NCAPG2: variants seen among roughly 807,000 people sequenced by gnomAD.
The protein encoded by NCAPG2 is non-SMC condensin II complex subunit G2.
In NCAPG2, 53 loss-of-function variants were observed where a neutral mutation model predicts 141.1. The observed-to-expected ratio is 0.38, with a 90% CI of 0.30 to 0.47. The LOEUF is 0.47. Ranked by LOEUF, NCAPG2 falls within the 20% of genes least tolerant of loss-of-function variation. The pLI, the probability that NCAPG2 is intolerant of heterozygous loss-of-function variation, is 0.99. For synonymous variants in NCAPG2, 499 were observed against 490.7 expected (o/e 1.02, Z -0.22); for missense variants, 1,087 against 1,389.0 (o/e 0.78, Z 3.46).
At chr7:158,646,192 C>T (rs1313191879) in intron 25 of NCAPG2, among the ~76,000 whole-genome samples, 1 of 152,166 alleles carries the variant, frequency 6.6e-6, no homozygotes, top group Non-Finnish European at 1.5e-5. Context: ...TATATTCTCC[C>T]TTAACTGAAT....
intron 27 of NCAPG2, chr7:158,641,484 C>A: frequency 1.5e-6 from 1 of 674,128 alleles, no homozygotes; most frequent in South Asian, 1.6e-5. Context: ...GGGACTGAGG[C>A]AGAAGGATAG....
chr7:158,667,163 C>G, intron 13 of NCAPG2: 1 of 985,416 alleles, frequency 1.0e-6, no homozygotes, highest in Non-Finnish European at 1.2e-6. Context: ...AACCAAATGG[C>G]TGTCTGCCTT....
At chr7:158,697,551 AGAC>A (rs1392118087) in intron 2 of NCAPG2, among the ~76,000 whole-genome samples, 2 of 152,024 alleles carry the variant, frequency 1.3e-5, no homozygotes, top group Non-Finnish European at 2.9e-5. Flanking sequence ...CAGTGAGCCA[AGAC>A]GACGCCACTG....
Position 158,631,634 on chromosome 7 carries a change from C to T in NCAPG2, c.*32G>A, listed in dbSNP as rs1829897389. On this transcript the variant is annotated 3_prime_UTR_variant, in exon 28 of 28. Transcript: ENST00000356309. ...GCATTTCAATTTGAATCACTTTTCC[C>T]TATTTTTACATGTCTGGAGATGTTG... The T allele has an allele frequency of 3.3e-6, 5 of 1,533,832 alleles. 1 individual carries two copies. In the Admixed American group the frequency reaches 8.5e-5, roughly 26 times the overall value.
intron 27 of NCAPG2, 42 bp from the exon 28 acceptor site, chr7:158,631,759 G>T: frequency 6.9e-7 from 1 of 1,452,262 alleles, no homozygotes; most frequent in Non-Finnish European, 9.6e-7. Context: ...AGAAAAAAGT[G>T]ACCAAATTAT....
intron 2 of NCAPG2, among the ~76,000 whole-genome samples, chr7:158,695,709 G>A (rs1271251228): frequency 6.6e-6 from 1 of 152,244 alleles, no homozygotes; most frequent in Admixed American, 6.5e-5. Context: ...GCATTGCCAC[G>A]ACATTAGCAG....
chr7:158,646,158 G>GT (rs1231324346), intron 25 of NCAPG2, among the ~76,000 whole-genome samples: 1 of 152,170 alleles, frequency 6.6e-6, no homozygotes, highest in African/African-American at 2.4e-5. Flanking sequence ...TTGGTAAGAA[G>GT]TATTTTACTA....
chr7:158,696,348 G>C (rs13242357), intron 2 of NCAPG2: 1 of 152,032 alleles, frequency 6.6e-6, no homozygotes, highest in Non-Finnish European at 1.5e-5. Context: ...TCAATATTCC[G>C]TCCGTCAAAG....
Position 158,693,450 on chromosome 7 carries a change from T to C in NCAPG2, c.126A>G (p.Leu42=). 3.1e-6 allele frequency: 5 copies of C among 1,614,072 alleles called. No homozygotes were observed. Among genetic ancestry groups the C allele is most frequent in the Non-Finnish European group, 4.2e-6 (5 of 1,179,934 alleles). Residue 42 remains leucine, a synonymous_variant, in exon 3 of 28, where the codon TTA becomes TTG. Coordinates refer to ENST00000356309, the MANE Select transcript of NCAPG2 (RefSeq NM_017760.7). ...PFSLNELLDE[L]SRKQKEELWQ... is the part of the protein sequence containing the mutation. ...ATAATTCTTCTTTCTGTTTCCTTGATAATTCATCTAGTAATTCATTTAGGC... is the reference window on the plus strand; with the variant it reads ...ATAATTCTTCTTTCTGTTTCCTTGACAATTCATCTAGTAATTCATTTAGGC...
intron 6 of NCAPG2, among the ~76,000 whole-genome samples, chr7:158,688,001 AGAAT>A (rs1199387781): frequency 2.0e-5 from 3 of 152,246 alleles, no homozygotes; most frequent in Non-Finnish European, 4.4e-5. Flanking sequence ...GAACCTAAGA[AGAAT>A]GAATACAATC....
At chr7:158,675,714 T>C in intron 11 of NCAPG2, 58 bp from the exon 12 acceptor site, 1 of 1,546,696 alleles carries the variant, frequency 6.5e-7, no homozygotes, top group Non-Finnish European at 8.8e-7. Flanking sequence ...GAAATCCACA[T>C]CTGCTTCACA....
intron 13 of NCAPG2, among the ~76,000 whole-genome samples, chr7:158,668,764 T>G (rs1303386239): frequency 6.6e-6 from 1 of 152,248 alleles, no homozygotes; most frequent in African/African-American, 2.4e-5. Context: ...CTGGGTTTTT[T>G]GGTCCAACTT....
At chr7:158,646,427 A>C in intron 25 of NCAPG2, 33 bp downstream of exon 25, 2 of 1,514,928 alleles carry the variant, frequency 1.3e-6, no homozygotes, top group Non-Finnish European at 1.8e-6. Context: ...AGCCACGATG[A>C]GCATTTCAGG....
At chr7:158,699,021 CGATCCTCCT>C (rs1188090939) in intron 2 of NCAPG2, among the ~76,000 whole-genome samples, 9 of 151,984 alleles carry the variant, frequency 5.9e-5, no homozygotes, top group Admixed American at 5.2e-4. Flanking sequence ...TGGCCTCAAA[CGATCCTCCT>C]GCCTCAGCCT....
At chr7:158,687,030 C>T (rs1834796331) in intron 7 of NCAPG2, among the ~76,000 whole-genome samples, 1 of 152,048 alleles carries the variant, frequency 6.6e-6, no homozygotes, top group East Asian at 1.9e-4. Flanking sequence ...GGCCAGGCCA[C>T]GTTCAACCAA....
Position 158,686,154 on chromosome 7 carries a change from T to G in NCAPG2, c.837+18A>C. ...ATATAATAAAAATAAGTGTTAACAT[T>G]TAAAAAAATGAAAATACCTCCAGTA... On this transcript the variant is annotated intron_variant, in intron 8 of 27. Coordinates refer to ENST00000356309, the MANE Select transcript of NCAPG2 (RefSeq NM_017760.7). The G allele has an allele frequency of 6.8e-7, 1 of 1,462,942 alleles. No individual in the cohort carries two copies. The highest frequency in any genetic ancestry group is 1.3e-5 in the South Asian group (1 of 77,082). 90.6% of individuals were successfully genotyped at this position (1,462,942 alleles called of 1,614,324 possible). A position where few individuals can be genotyped will look rare whatever the true frequency, so the allele number is the denominator to read the frequency against.
chr7:158,680,508 T>C (rs1015436836), intron 10 of NCAPG2, among the ~76,000 whole-genome samples: 1 of 152,236 alleles, frequency 6.6e-6, no homozygotes, highest in South Asian at 2.1e-4. Context: ...AAAATAACTG[T>C]GTAGTTAGCA....
intron 8 of NCAPG2, 62 bp from the exon 9 acceptor site, chr7:158,683,448 A>G: frequency 8.2e-7 from 1 of 1,221,722 alleles, no homozygotes; most frequent in South Asian, 1.5e-5. Flanking sequence ...CGACCTGACA[A>G]GCAGTGCGGC....
intron 27 of NCAPG2, among the ~76,000 whole-genome samples, chr7:158,634,547 C>A (rs1830068433): frequency 6.6e-6 from 1 of 152,106 alleles, no homozygotes; most frequent in Admixed American, 6.5e-5. Flanking sequence ...ATACGGAGGG[C>A]CAAGTGTTCT....
Sources: allele counts gnomAD v4.1 joint callset (sites outside exome capture counted in the v4.1 genomes callset), GRCh38; gene constraint gnomAD v4.1.1; transcripts MANE v1.5; gene names NCBI Gene and HGNC (gene_info 2026-07-23, HGNC 2026-07-21).